GLIS3: variants seen among roughly 807,000 people sequenced by gnomAD.
The protein encoded by GLIS3 is zinc finger protein GLIS3.
In GLIS3, 53 loss-of-function variants were observed where a neutral mutation model predicts 78.6. That is an observed-to-expected ratio of 0.67 (90% confidence interval 0.54 to 0.85). The LOEUF (loss-of-function observed/expected upper bound fraction) is 0.85, where lower values mean the gene tolerates loss of function less well. Ranked by LOEUF, GLIS3 falls within the 40% of genes least tolerant of loss-of-function variation. The probability of loss-of-function intolerance (pLI) is 0.00; values close to 1 mark genes in which losing one functional copy is unlikely to be tolerated. For missense variants in GLIS3, 1,703 were observed against 1,231.1 expected (o/e 1.38, Z -5.74); for synonymous variants, 684 against 509.9 (o/e 1.34, Z -4.60).
chr9:4,170,306 G>C (rs1816262170), intron 2 of GLIS3, among the ~76,000 whole-genome samples: 1 of 152,212 alleles, frequency 6.6e-6, no homozygotes, highest in South Asian at 2.1e-4. Context: ...CTTGGAAATA[G>C]GCTGAAGGAA....
intron 4 of GLIS3, among the ~76,000 whole-genome samples, chr9:4,031,505 C>A (rs200810869): frequency 6.6e-6 from 1 of 152,012 alleles, no homozygotes; most frequent in Non-Finnish European, 1.5e-5. Context: ...GGAGAACTAC[C>A]GATTGATGGG....
intron 8 of GLIS3, among the ~76,000 whole-genome samples, chr9:3,866,281 G>A (rs1335352034): frequency 6.6e-6 from 1 of 152,098 alleles, no homozygotes; most frequent in Non-Finnish European, 1.5e-5. Context: ...AACAAACAGT[G>A]CAATTTCAGG....
the GLIS3 span, among the ~76,000 whole-genome samples, chr9:4,386,746 G>A: frequency 6.6e-6 from 1 of 152,166 alleles, no homozygotes; most frequent in Non-Finnish European, 1.5e-5. Context: ...TCATTTACTT[G>A]GCTCTATTCC....
chr9:4,269,953 T>C lies in GLIS3; in HGVS notation c.388+16085A>G, dbSNP rs188315876. Reference sequence around the variant, plus strand: ...GATCAACTGTCTTTGTTTAGTCCTTTTCTCTAGGCAAAAATGCCCCACAGG... The same window carrying C: ...GATCAACTGTCTTTGTTTAGTCCTTCTCTCTAGGCAAAAATGCCCCACAGG... On this transcript the variant is annotated intron_variant, in intron 2 of 10. Coordinates refer to ENST00000381971, the MANE Select transcript of GLIS3 (RefSeq NM_001042413.2). Among the ~76,000 whole-genome samples the C allele has an allele frequency of 3.9e-5, 6 of 152,304 alleles. No individual in the cohort carries two copies. The East Asian group carries it at 1.2e-3, about 29-fold the overall frequency.
intron 2 of GLIS3, among the ~76,000 whole-genome samples, chr9:4,185,639 T>C (rs976485247): frequency 6.6e-6 from 1 of 152,138 alleles, no homozygotes; most frequent in Non-Finnish European, 1.5e-5. Context: ...GGACTAAATA[T>C]AAAGGTAATG....
the GLIS3 span, among the ~76,000 whole-genome samples, chr9:4,469,071 A>C: frequency 1.3e-5 from 2 of 152,256 alleles, no homozygotes; most frequent in African/African-American, 4.8e-5. Flanking sequence ...GGATCAATTC[A>C]ACAAGAAGAG....
chr9:4,189,105 A>G (rs552857059), intron 2 of GLIS3, among the ~76,000 whole-genome samples: 2 of 150,536 alleles, frequency 1.3e-5, no homozygotes, highest in East Asian at 3.9e-4. Flanking sequence ...TCAATTTTAG[A>G]TCTTTCCTGC....
chr9:4,286,733 G>A (rs1227917208), intron 1 of GLIS3, among the ~76,000 whole-genome samples: 1 of 152,152 alleles, frequency 6.6e-6, no homozygotes, highest in Non-Finnish European at 1.5e-5. Context: ...ATGGATCACT[G>A]CATTGTTTTG....
intron 4 of GLIS3, among the ~76,000 whole-genome samples, chr9:3,972,002 G>A (rs562017800): frequency 1.3e-5 from 2 of 152,256 alleles, no homozygotes; most frequent in East Asian, 1.9e-4. Flanking sequence ...CCAAGAAGGG[G>A]CTTTTGTTCA....
At chr9:4,309,837 A>G (rs920399641) in intron 3 of GLIS3, among the ~76,000 whole-genome samples, 1 of 152,218 alleles carries the variant, frequency 6.6e-6, no homozygotes, top group African/African-American at 2.4e-5. Context: ...CGAAAGAGAC[A>G]TGTGAGACAA....
At chr9:4,045,213 C>T (rs1468018653) in intron 4 of GLIS3, among the ~76,000 whole-genome samples, 1 of 152,098 alleles carries the variant, frequency 6.6e-6, no homozygotes, top group Non-Finnish European at 1.5e-5. Context: ...TTATCGTAAG[C>T]CCTATTACTT....
intron 2 of GLIS3, among the ~76,000 whole-genome samples, chr9:4,331,987 T>G (rs1172698398): frequency 6.6e-6 from 1 of 152,190 alleles, no homozygotes; most frequent in Non-Finnish European, 1.5e-5. Context: ...TAGCTCTTCT[T>G]CAACTTGGGA....
chr9:4,236,265 C>G (rs1822744556), intron 2 of GLIS3, among the ~76,000 whole-genome samples: 1 of 147,906 alleles, frequency 6.8e-6, no homozygotes, highest in African/African-American at 2.5e-5. Context: ...AACCTTTGTT[C>G]TGAAGGTGAG....
intron 7 of GLIS3, among the ~76,000 whole-genome samples, chr9:3,897,782 A>G (rs115839345): frequency 1.7e-3 from 262 of 152,324 alleles, no homozygotes; most frequent in African/African-American, 6.0e-3. Context: ...TTCCACTGCA[A>G]TGCATCTGTA....
chr9:3,862,147 GA>G (rs1023629601), intron 8 of GLIS3, among the ~76,000 whole-genome samples: 2 of 151,964 alleles, frequency 1.3e-5, no homozygotes, highest in African/African-American at 2.4e-5. Context: ...TTATTTGGAT[GA>G]AAAAAACAAA....
At chr9:3,998,393 C>T (rs1373068202) in intron 4 of GLIS3, among the ~76,000 whole-genome samples, 1 of 152,052 alleles carries the variant, frequency 6.6e-6, no homozygotes, top group African/African-American at 2.4e-5. Flanking sequence ...TCAAATATAT[C>T]ACAGAGTTTT....
chr9:4,310,751 A>AT (rs930716093), intron 2 of GLIS3, among the ~76,000 whole-genome samples: 27 of 152,066 alleles, frequency 1.8e-4, no homozygotes, highest in African/African-American at 6.5e-4. Flanking sequence ...TCTTAGGAGG[A>AT]TTTTTTGGGA....
intron 1 of GLIS3, among the ~76,000 whole-genome samples, chr9:4,297,818 C>T (rs537284526): frequency 6.6e-6 from 1 of 152,260 alleles, no homozygotes; most frequent in African/African-American, 2.4e-5. Flanking sequence ...CTGGAGAAGT[C>T]GGGAGAGGTG....
intron 4 of GLIS3, among the ~76,000 whole-genome samples, chr9:4,091,523 G>A (rs1357219916): frequency 1.2e-4 from 17 of 136,924 alleles, no homozygotes; most frequent in Admixed American, 8.9e-4. Flanking sequence ...ACACGCACAC[G>A]TGCACACAAA....
Sources: gnomAD v4.1 joint callset for allele counts (sites outside exome capture counted in the v4.1 genomes callset) on GRCh38, gnomAD v4.1.1 for gene constraint, MANE v1.5 for transcripts, NCBI Gene and HGNC (gene_info 2026-07-23, HGNC 2026-07-21) for gene names.